Variants in SLC4A10 observed in about 807,000 individuals in gnomAD.
SLC4A10 encodes solute carrier family 4 member 10.
In SLC4A10, 42 loss-of-function variants were observed where a neutral mutation model predicts 137.7. The observed-to-expected ratio is 0.30, with a 90% confidence interval of 0.24 to 0.39. The LOEUF is 0.39. Among genes scored for constraint, SLC4A10 ranks in the 10% least tolerant of loss-of-function variants. SLC4A10 has a pLI of 1.00. For synonymous variants in SLC4A10, 474 were observed against 464.1 expected, an observed-to-expected ratio of 1.02 and a Z score of -0.27; for missense variants, 925 against 1,355.0, an observed-to-expected ratio of 0.68 and a Z score of 4.98.
At chr2:161,645,254 T>C (rs2035878784) in intron 1 of SLC4A10, among the ~76,000 whole-genome samples, 1 of 152,004 alleles carries the variant, frequency 6.6e-6, no homozygotes, top group South Asian at 2.1e-4. Flanking sequence ...TGGCTTTATA[T>C]GTTCCCATGA....
rs914541702 is a variant in SLC4A10 at position 161,983,431 on chromosome 2, A to T, written c.*279A>T. Reference sequence around the variant, plus strand: ...AGCAGTGAGACATCCCTGTGAGCAGATACAATAGCCAATGCAAGAATCTGT... The same window carrying T: ...AGCAGTGAGACATCCCTGTGAGCAGTTACAATAGCCAATGCAAGAATCTGT... On this transcript the variant is annotated 3_prime_UTR_variant, in exon 27 of 27. Coordinates refer to ENST00000446997, the MANE Select transcript of SLC4A10 (RefSeq NM_001178015.2). 3.5e-6 allele frequency: 2 copies of T among 573,392 alleles called. No individual in the cohort carries two copies. The highest frequency in any genetic ancestry group is 6.1e-6 in the Non-Finnish European group (2 of 327,890). 35.5% of individuals were successfully genotyped at this position (573,392 alleles called of 1,614,324 possible).
intron 15 of SLC4A10, among the ~76,000 whole-genome samples, chr2:161,938,682 T>C (rs1242305921): frequency 1.3e-5 from 2 of 150,232 alleles, no homozygotes; most frequent in African/African-American, 4.9e-5. Flanking sequence ...TTCCCCATGA[T>C]CGCAAACCTT....
chr2:161,929,720 G>A (rs1689969518), intron 15 of SLC4A10, among the ~76,000 whole-genome samples: 1 of 152,122 alleles, frequency 6.6e-6, no homozygotes, highest in Non-Finnish European at 1.5e-5. Flanking sequence ...TCAGTTTATT[G>A]ATGGAAACAT....
At chr2:161,850,192 C>A (rs183357212) in intron 4 of SLC4A10, among the ~76,000 whole-genome samples, 242 of 152,118 alleles carry the variant, frequency 1.6e-3, no homozygotes, top group African/African-American at 5.6e-3. Flanking sequence ...ACATTTGAGA[C>A]CAGCTTGGCC....
intron 1 of SLC4A10, among the ~76,000 whole-genome samples, chr2:161,745,446 T>C (rs2048299669): frequency 6.6e-6 from 1 of 152,180 alleles, no homozygotes; most frequent in African/African-American, 2.4e-5. Flanking sequence ...ATTTATCTGA[T>C]AGGATTCTGA....
intron 6 of SLC4A10, among the ~76,000 whole-genome samples, chr2:161,869,034 C>T (rs920871264): frequency 6.6e-6 from 1 of 151,548 alleles, no homozygotes; most frequent in African/African-American, 2.4e-5. Flanking sequence ...TGGTATAGCA[C>T]TTTAAAAAAA....
rs112440222 is a variant in SLC4A10, at chr2:161,753,482, C to T, written c.49-17491C>T. Among the ~76,000 whole-genome samples the T allele has an allele frequency of 2.5e-3, 378 of 152,288 alleles. 3 individuals carry two copies. Among genetic ancestry groups the T allele is most frequent in the African/African-American group, 8.7e-3 (360 of 41,570 alleles). Reference sequence around the variant, plus strand: ...GCAGATCAAAGTTCAAATTCTGCTTCTCCACTTACTGGTTCTATAACCTTG... The same window carrying T: ...GCAGATCAAAGTTCAAATTCTGCTTTTCCACTTACTGGTTCTATAACCTTG... On this transcript the variant is annotated intron_variant, in intron 1 of 26. Coordinates refer to ENST00000446997, the MANE Select transcript of SLC4A10 (RefSeq NM_001178015.2).
chr2:161,730,203 A>G (rs920657904), intron 1 of SLC4A10, among the ~76,000 whole-genome samples: 16 of 152,216 alleles, frequency 1.1e-4, no homozygotes, highest in Non-Finnish European at 1.8e-4. Flanking sequence ...CTTTCTCATT[A>G]GAAACTTAAA....
At chr2:161,906,024 T>C (rs1410540301) in intron 15 of SLC4A10, 137 bp downstream of exon 15, 2 of 1,137,590 alleles carry the variant, frequency 1.8e-6, no homozygotes, top group Non-Finnish European at 2.4e-6. Flanking sequence ...ACTCTCAGAG[T>C]CGAACAGGAT....
chr2:161,715,174 G>C (rs2044715502), intron 1 of SLC4A10, among the ~76,000 whole-genome samples: 1 of 151,948 alleles, frequency 6.6e-6, no homozygotes, highest in African/African-American at 2.4e-5. Flanking sequence ...AACCCAGAAA[G>C]TCTAGCTCTA....
chr2:161,761,797 C>T (rs1288641153), intron 1 of SLC4A10, among the ~76,000 whole-genome samples: 1 of 152,018 alleles, frequency 6.6e-6, no homozygotes, highest in Admixed American at 6.6e-5. Flanking sequence ...CATTGGAGGA[C>T]TTTCACCTCT....
intron 1 of SLC4A10, among the ~76,000 whole-genome samples, chr2:161,697,682 A>T (rs2124976850): frequency 6.6e-6 from 1 of 152,316 alleles, no homozygotes; most frequent in Admixed American, 6.5e-5. Flanking sequence ...TTTTGGTACC[A>T]GTACCATGCT....
chr2:161,666,346 G>A (rs954828165), intron 1 of SLC4A10, among the ~76,000 whole-genome samples: 1 of 151,456 alleles, frequency 6.6e-6, no homozygotes, highest in Non-Finnish European at 1.5e-5. Context: ...GTCACCTGGG[G>A]CAATTTTTCC....
intron 8 of SLC4A10, among the ~76,000 whole-genome samples, chr2:161,876,124 T>C (rs958332476): frequency 1.2e-4 from 19 of 152,076 alleles, no homozygotes; most frequent in Admixed American, 2.6e-4. Flanking sequence ...ACTACCAGCA[T>C]AAAGGTGAGG....
chr2:161,853,031 A>G (rs1364935998), intron 4 of SLC4A10, among the ~76,000 whole-genome samples: 1 of 152,224 alleles, frequency 6.6e-6, no homozygotes, highest in Non-Finnish European at 1.5e-5. Flanking sequence ...CCTTTGTGAT[A>G]TTGAAATCAT....
At chr2:161,976,636 A>G in intron 24 of SLC4A10, 124 bp from the exon 25 acceptor site, 1 of 503,052 alleles carries the variant, frequency 2.0e-6, no homozygotes. Flanking sequence ...TTTTACCACA[A>G]TTTAAAAATT....
At position 161,873,908 on chromosome 2, in the gene SLC4A10, G is replaced by T; in HGVS notation, c.859-8G>T. ...GTACCAGCTTAAGTCTGTTAATTAT[G>T]CGTGCAGGGACTGGGAGGCCAACAA... On this transcript the variant is annotated splice_polypyrimidine_tract_variant and splice_region_variant and intron_variant, in intron 7 of 26. Transcript: ENST00000446997. 6.3e-7 allele frequency: 1 copy of T among 1,590,404 alleles called. No individual in the cohort carries two copies. Among genetic ancestry groups the T allele is most frequent in the Non-Finnish European group, 8.5e-7 (1 of 1,176,076 alleles).
At chr2:161,736,750 A>T (rs2122284) in intron 1 of SLC4A10, among the ~76,000 whole-genome samples, 12,378 of 152,230 alleles carry the variant, frequency 0.081, 647 homozygotes, top group East Asian at 0.14. Context: ...GTGGGGACAC[A>T]GCCAAACCAT....
chr2:161,804,317 C>T, intron 2 of SLC4A10, 132 bp from the exon 3 acceptor site: 4 of 970,136 alleles, frequency 4.1e-6, no homozygotes, highest in Non-Finnish European at 5.9e-6. Flanking sequence ...ACGCTCCAAG[C>T]TTTATGTATC....
Sources: gnomAD v4.1 joint callset for allele counts (sites outside exome capture counted in the v4.1 genomes callset) on GRCh38, gnomAD v4.1.1 for gene constraint, MANE v1.5 for transcripts, NCBI Gene and HGNC (gene_info 2026-07-23, HGNC 2026-07-21) for gene names.